The following DSTN variants were observed in gnomAD, a reference collection of about 807,000 sequenced individuals.
DSTN encodes destrin, actin depolymerizing factor, also known as destrin.
DSTN carries 10 observed loss-of-function variants against 16.8 expected under a neutral mutation model. That is an observed-to-expected ratio of 0.60 (90% CI 0.37 to 1.01). DSTN has a LOEUF of 1.01. Ranked by LOEUF, DSTN falls within the 50% of genes least tolerant of loss-of-function variation. The pLI is 0.01. For missense variants in DSTN, 141 were observed against 196.7 expected, an observed-to-expected ratio of 0.72 and a Z score of 1.69; for synonymous variants, 57 against 58.9, an observed-to-expected ratio of 0.97 and a Z score of 0.14.
chr20:17,579,739 A>G (rs1276785471), intron 1 of DSTN, among the ~76,000 whole-genome samples: 2 of 151,946 alleles, frequency 1.3e-5, no homozygotes, highest in Non-Finnish European at 2.9e-5. Flanking sequence ...TTAACTCATT[A>G]AAAAGGGATT....
rs5840777 is a variant in DSTN, at chr20:17,601,939, C to CTT, written c.311+907_311+908dup. On this transcript the variant is annotated intron_variant, in intron 2 of 3. Transcript: ENST00000246069. ...AATGGTAACACTACCTGATTTTTTT[C>CTT]TTTTTTTTTTTTTTAGAGGGGCAAG... 1.0e-3 allele frequency among the ~76,000 whole-genome samples: 144 copies of CTT among 141,516 alleles called. 1 individual carries two copies. The highest frequency in any genetic ancestry group is 5.7e-3 in the East Asian group (28 of 4,886). 92.8% of individuals were successfully genotyped at this position (141,516 alleles called of 152,430 possible). A position where few individuals can be genotyped will look rare whatever the true frequency, so the allele number is the denominator to read the frequency against.
chr20:17,575,235 T>C, intron 1 of DSTN, among the ~76,000 whole-genome samples: 1 of 150,966 alleles, frequency 6.6e-6, no homozygotes, highest in East Asian at 2.0e-4. Context: ...TTTATGTTAA[T>C]GTAACTTTAT....
In DSTN at chr20:17,570,224, G is replaced by A. The variant is rs1412107695; in HGVS notation, c.3+13G>A. The A allele has an allele frequency of 6.6e-7, 1 of 1,508,548 alleles. No homozygotes were observed. Among genetic ancestry groups the A allele is most frequent in the South Asian group, 1.2e-5 (1 of 81,302 alleles). 93.4% of individuals were successfully genotyped at this position (1,508,548 alleles called of 1,614,324 possible). The stretch of plus-strand genomic sequence containing the variant: ...CGCGGCGAAGATGGTGAGTAGGAGG[G>A]AGGCCGAGGCGTGGGCCGAGGCGGC... On this transcript the variant is annotated intron_variant, in intron 1 of 3. Coordinates refer to ENST00000246069, the MANE Select transcript of DSTN (RefSeq NM_006870.4).
chr20:17,579,365 A>G (rs1286779771), intron 1 of DSTN, among the ~76,000 whole-genome samples: 3 of 152,172 alleles, frequency 2.0e-5, no homozygotes, highest in Non-Finnish European at 4.4e-5. Flanking sequence ...GCTTGAGCTT[A>G]CGAGTTCGAG....
intron 3 of DSTN, among the ~76,000 whole-genome samples, chr20:17,605,964 C>G (rs542437391): frequency 1.3e-5 from 2 of 151,984 alleles, no homozygotes; most frequent in Non-Finnish European, 2.9e-5. Context: ...AAAAATTAGC[C>G]GGGCGTGGTG....
intron 1 of DSTN, chr20:17,592,085 T>C: frequency 1.3e-5 from 13 of 985,368 alleles, no homozygotes; most frequent in Non-Finnish European, 1.4e-5. Flanking sequence ...GTGCTTTCTG[T>C]CTGCCTCATG....
At chr20:17,573,875 G>A (rs1472171828) in intron 1 of DSTN, among the ~76,000 whole-genome samples, 3 of 147,186 alleles carry the variant, frequency 2.0e-5, no homozygotes, top group African/African-American at 2.5e-5. Context: ...TATTTGCAGA[G>A]CCATAAAGTA....
Position 17,600,775 on chromosome 20 carries a change from T to G in DSTN, c.41T>G (p.Ile14Ser). 1 of 1,612,902 alleles carries G rather than the reference T, an allele frequency of 6.2e-7. No individual in the cohort carries two copies. Among genetic ancestry groups the G allele is most frequent in the Non-Finnish European group, 8.5e-7 (1 of 1,179,268 alleles). ...GVQVADEVCRIFYDMKVRKCS... is the reference protein window; with the variant it reads ...GVQVADEVCRSFYDMKVRKCS... ...CAAGTAGCTGATGAAGTATGTCGCA[T>G]TTTTTATGACATGAAAGTTCGTAAA... Residue 14 changes from isoleucine (I) to serine (S), a missense_variant, in exon 2 of 4, where the codon ATT (isoleucine) becomes AGT (serine). Ile to Ser is a moderately radical substitution (Grantham distance 142). Coordinates refer to ENST00000246069, the MANE Select transcript of DSTN (RefSeq NM_006870.4).
intron 3 of DSTN, chr20:17,605,218 A>G: frequency 2.2e-6 from 1 of 456,076 alleles, no homozygotes; most frequent in Non-Finnish European, 4.4e-6. Context: ...AAATGTTGGT[A>G]TGATGGAAAG....
Position 17,607,268 on chromosome 20 carries a change from GTAAAC to G in DSTN, c.*125_*129del, listed in dbSNP as rs1198924835. The G allele has an allele frequency of 6.6e-6, 5 of 757,212 alleles. No homozygotes were observed. The East Asian group carries it at 1.4e-4, about 21-fold the overall frequency. The allele number at this position is 757,212 out of a possible 1,614,324, so 46.9% of individuals were successfully genotyped here. A position where few individuals can be genotyped will look rare whatever the true frequency, so the allele number is the denominator to read the frequency against. Reference sequence around the variant, plus strand: ...GGGAGCTGTCTTGTCATCTTTTAGAGTAAACTATTCTATAAACATATGCAAACAGC... The same window carrying G: ...GGGAGCTGTCTTGTCATCTTTTAGAGTATTCTATAAACATATGCAAACAGC... On this transcript the variant is annotated 3_prime_UTR_variant, in exon 4 of 4. Transcript: ENST00000246069.
intron 1 of DSTN, among the ~76,000 whole-genome samples, chr20:17,580,724 G>A (rs1451618500): frequency 6.6e-6 from 1 of 151,876 alleles, no homozygotes; most frequent in Non-Finnish European, 1.5e-5. Flanking sequence ...CTCCAGCCTG[G>A]GGGACAAGAG....
intron 1 of DSTN, among the ~76,000 whole-genome samples, chr20:17,582,975 T>C (rs2122174428): frequency 6.6e-6 from 1 of 152,350 alleles, no homozygotes; most frequent in Non-Finnish European, 1.5e-5. Flanking sequence ...ACAAGGAGCT[T>C]GTGTGTAGAA....
At chr20:17,603,583 C>T (rs1438956677) in intron 2 of DSTN, among the ~76,000 whole-genome samples, 2 of 152,168 alleles carry the variant, frequency 1.3e-5, no homozygotes, top group East Asian at 1.9e-4. Flanking sequence ...GAAGGACCTC[C>T]GTGCAAGCAG....
chr20:17,588,235 A>G (rs548687620), intron 1 of DSTN, among the ~76,000 whole-genome samples: 1 of 152,334 alleles, frequency 6.6e-6, no homozygotes. Context: ...TTGAGACCTC[A>G]GGTACTTTTG....
intron 1 of DSTN, among the ~76,000 whole-genome samples, chr20:17,575,551 CCCTCAGGCTCAGTCAGTCCTCTA>C (rs1473788384): frequency 6.6e-6 from 1 of 151,820 alleles, no homozygotes; most frequent in African/African-American, 2.4e-5. Context: ...GCATCGTCCA[CCCTCAGGCTCAGTCAGTCCTCTA>C]CCTCAGCCTC....
chr20:17,583,866 A>G (rs944204661), intron 1 of DSTN, among the ~76,000 whole-genome samples: 4 of 148,776 alleles, frequency 2.7e-5, no homozygotes, highest in African/African-American at 9.8e-5. Context: ...CCTCCTGAAT[A>G]GCTGGAACTA....
intron 1 of DSTN, among the ~76,000 whole-genome samples, chr20:17,580,842 TAA>T (rs2122170428): frequency 6.6e-6 from 1 of 151,930 alleles, no homozygotes; most frequent in South Asian, 2.1e-4. Context: ...TACATGGCAA[TAA>T]AGAGCTAGCT....
chr20:17,604,740 G>A, intron 3 of DSTN, 109 bp downstream of exon 3: 1 of 948,694 alleles, frequency 1.1e-6, no homozygotes, highest in Non-Finnish European at 1.6e-6. Flanking sequence ...CGGGCACAAG[G>A]GAGAAGTGTT....
intron 3 of DSTN, among the ~76,000 whole-genome samples, chr20:17,606,063 G>A (rs371175543): frequency 1.3e-5 from 2 of 151,470 alleles, no homozygotes; most frequent in Non-Finnish European, 1.5e-5. Flanking sequence ...AGCTGAGATC[G>A]CACCATTGCA....
Sources: allele counts gnomAD v4.1 joint callset (sites outside exome capture counted in the v4.1 genomes callset), GRCh38; gene constraint gnomAD v4.1.1; transcripts MANE v1.5; gene names NCBI Gene and HGNC (gene_info 2026-07-23, HGNC 2026-07-21).